SEL1L3: variants seen among roughly 807,000 people sequenced by gnomAD.
The protein encoded by SEL1L3 is protein sel-1 homolog 3.
Under a neutral mutation model 142.8 loss-of-function variants are expected in SEL1L3, and 76 were observed. That is an observed-to-expected ratio of 0.53 (90% confidence interval 0.44 to 0.64). SEL1L3 has a LOEUF of 0.64. Among genes scored for constraint, SEL1L3 ranks in the 30% least tolerant of loss-of-function variants. The probability of loss-of-function intolerance (pLI) is 0.00; values close to 1 mark genes in which losing one functional copy is unlikely to be tolerated. For synonymous variants in SEL1L3, 504 were observed against 519.6 expected, an observed-to-expected ratio of 0.97 and a Z score of 0.41; for missense variants, 1,262 against 1,381.7, an observed-to-expected ratio of 0.91 and a Z score of 1.37.
chr4:25,748,398 C>T lies in SEL1L3; in HGVS notation c.*27G>A. On this transcript the variant is annotated 3_prime_UTR_variant, in exon 24 of 24. Transcript: ENST00000399878. ...ACCAGCTGTTGAAAAGATTCTCTCTCATCTGGAGAGAACTGGAGTGCACAG... is the reference window on the plus strand; with the variant it reads ...ACCAGCTGTTGAAAAGATTCTCTCTTATCTGGAGAGAACTGGAGTGCACAG... 1.9e-6 allele frequency: 3 copies of T among 1,590,400 alleles called. No homozygotes were observed. The highest frequency in any genetic ancestry group is 2.6e-6 in the Non-Finnish European group (3 of 1,167,886).
chr4:25,860,586 AAATGTGGAGACTACCTTTT>A (rs577030309), intron 1 of SEL1L3: 59 of 152,330 alleles, frequency 3.9e-4, no homozygotes, highest in African/African-American at 1.4e-3. Context: ...CTTCAGAACA[AAATGTGGAGACTACCTTTT>A]AAGTCGGCCT....
At chr4:25,811,379 G>A (rs1398725237) in intron 9 of SEL1L3, among the ~76,000 whole-genome samples, 4 of 152,328 alleles carry the variant, frequency 2.6e-5, no homozygotes, top group African/African-American at 7.2e-5. Context: ...AGTGTCTACC[G>A]AGAAAGAGCA....
chr4:25,776,457 T>C, intron 16 of SEL1L3, 97 bp from the exon 17 acceptor site: 1 of 836,854 alleles, frequency 1.2e-6, no homozygotes, highest in South Asian at 1.6e-5. Context: ...TTGGGGAATA[T>C]TTTGCTAGTT....
intron 6 of SEL1L3, among the ~76,000 whole-genome samples, chr4:25,822,585 G>A (rs1221898467): frequency 6.6e-6 from 1 of 152,212 alleles, no homozygotes; most frequent in Non-Finnish European, 1.5e-5. Flanking sequence ...CTTGTTGAAT[G>A]AATAGAAGGT....
At chr4:25,776,184 T>C in intron 17 of SEL1L3, 93 bp downstream of exon 17, 4 of 734,244 alleles carry the variant, frequency 5.4e-6, no homozygotes, top group South Asian at 3.4e-5. Context: ...TCCCTGCAAA[T>C]TGCTTTCTCA....
chr4:25,796,532 C>T (rs959319354), intron 11 of SEL1L3, among the ~76,000 whole-genome samples: 2 of 151,988 alleles, frequency 1.3e-5, no homozygotes, highest in African/African-American at 4.8e-5. Flanking sequence ...GGTGCTCATG[C>T]CTATAATCCC....
chr4:25,746,269 G>A (rs10014789), downstream of SEL1L3, among the ~76,000 whole-genome samples: 101,729 of 151,480 alleles, frequency 0.67, 34,805 homozygotes, highest in East Asian at 0.79. Flanking sequence ...TATAATCCCA[G>A]CACTTTGGGA....
the SEL1L3 span, among the ~76,000 whole-genome samples, chr4:25,723,911 G>T: frequency 1.5e-3 from 231 of 152,248 alleles, 1 homozygote; most frequent in African/African-American, 5.4e-3. Flanking sequence ...CATCTATCAT[G>T]TTCCTATTAC....
chr4:25,784,354 CT>C, intron 13 of SEL1L3, 64 bp from the exon 14 acceptor site: 2 of 1,234,498 alleles, frequency 1.6e-6, no homozygotes, highest in Non-Finnish European at 2.4e-6. Context: ...CATACAGACA[CT>C]TTAGTGTTGG....
the SEL1L3 span, among the ~76,000 whole-genome samples, chr4:25,734,407 TGAGATG>T: frequency 2.6e-5 from 4 of 152,216 alleles, no homozygotes; most frequent in Non-Finnish European, 4.4e-5. Flanking sequence ...CTGCGTCTAT[TGAGATG>T]AAGTTTTATC....
chr4:25,838,594 C>G (rs1349847184), intron 2 of SEL1L3, among the ~76,000 whole-genome samples: 1 of 152,188 alleles, frequency 6.6e-6, no homozygotes, highest in African/African-American at 2.4e-5. Flanking sequence ...TGCTAAAACA[C>G]TGAAATATTT....
chr4:25,821,889 T>C (rs1560331687), intron 7 of SEL1L3, 107 bp downstream of exon 7: 2 of 1,136,864 alleles, frequency 1.8e-6, no homozygotes, highest in African/African-American at 3.1e-5. Flanking sequence ...ACAGAGGCGA[T>C]GCATGGTCTG....
chr4:25,767,788 T>G lies in SEL1L3; in HGVS notation c.2712A>C (p.Gly904=), dbSNP rs369000397. The stretch of plus-strand genomic sequence containing the variant: ...CTAAATTTGTCTGTGACACTTCAAT[T>G]CCAGTTTCTGCTGCTAAAACATAAT... ...LLYYVLAAET[G]IEVSQTNLAH... Residue 904 remains glycine, a synonymous_variant, in exon 18 of 24, where the codon GGA becomes GGC. Transcript: ENST00000399878. 23 of 1,581,940 alleles carry G rather than the reference T, an allele frequency of 1.5e-5. No homozygotes were observed. Among genetic ancestry groups the G allele is most frequent in the Middle Eastern group, 1.7e-4 (1 of 6,054 alleles).
chr4:25,836,545 G>A (rs930059145), intron 2 of SEL1L3, among the ~76,000 whole-genome samples: 2 of 152,124 alleles, frequency 1.3e-5, no homozygotes, highest in Admixed American at 6.5e-5. Context: ...CCAGCTACTA[G>A]GGAGGCTGAG....
At chr4:25,736,065 G>A in the SEL1L3 span, among the ~76,000 whole-genome samples, 1 of 151,612 alleles carries the variant, frequency 6.6e-6, no homozygotes, top group South Asian at 2.1e-4. Context: ...TCCTGACCTC[G>A]TGATCCACCC....
Position 25,757,590 on chromosome 4 carries a change from G to A in SEL1L3, c.3203C>T (p.Thr1068Ile), listed in dbSNP as rs766907661. Residue 1068 changes from threonine to isoleucine, a missense_variant, in exon 23 of 24, where the codon ACC (threonine) becomes ATC (isoleucine). By Grantham distance (89) the Thr-to-Ile change is moderately conservative. Transcript: ENST00000399878. ...LHSALIYFLGTFLLSILIAWT... is the reference protein window; with the variant it reads ...LHSALIYFLGIFLLSILIAWT... ...GGCGATCAATATGGATAGCAGAAAG[G>A]TTCCCAGAAAGTAGATCTGCAAACA... is the stretch of plus-strand genomic sequence containing the variant. 9 of 1,552,366 alleles carry A rather than the reference G, an allele frequency of 5.8e-6. No individual in the cohort carries two copies. The highest frequency in any genetic ancestry group is 1.7e-4 in the Middle Eastern group (1 of 6,018).
chr4:25,742,805 T>A (rs1717158096), downstream of SEL1L3, among the ~76,000 whole-genome samples: 1 of 152,204 alleles, frequency 6.6e-6, no homozygotes, highest in Non-Finnish European at 1.5e-5. Flanking sequence ...TGTTGGATAC[T>A]TTACTGAGAC....
chr4:25,804,711 T>TC lies in SEL1L3; in HGVS notation c.1605dup (p.Lys536GlufsTer4). 6.2e-7 allele frequency: 1 copy of TC among 1,613,804 alleles called. No homozygotes were observed. ...CTCTTTACAGCCTTCTCAAATATCT[T>TC]CCCACCGATTTCTGATACAGATTCA... On this transcript the variant is annotated frameshift_variant, in exon 10 of 24. Coordinates refer to ENST00000399878, the MANE Select transcript of SEL1L3 (RefSeq NM_015187.5). LOFTEE classifies it high-confidence loss of function.
the SEL1L3 span, among the ~76,000 whole-genome samples, chr4:25,735,110 C>T: frequency 0.46 from 69,477 of 151,894 alleles, 16,536 homozygotes; most frequent in East Asian, 0.67. Flanking sequence ...CTGCTGAAGC[C>T]ATCTGGGCTT....
Sources: allele counts gnomAD v4.1 joint callset (sites outside exome capture counted in the v4.1 genomes callset), GRCh38; gene constraint gnomAD v4.1.1; transcripts MANE v1.5; gene names NCBI Gene and HGNC (gene_info 2026-07-23, HGNC 2026-07-21).